Variants in EXTL3 observed in about 807,000 individuals in gnomAD.
EXTL3 encodes exostosin-like 3.
A neutral mutation model predicts 69.3 loss-of-function variants in EXTL3; 27 were observed. The observed-to-expected ratio is 0.39, with a 90% CI of 0.29 to 0.54. The LOEUF (loss-of-function observed/expected upper bound fraction) is 0.54, where lower values mean the gene tolerates loss of function less well. EXTL3 is among the 20% of genes least tolerant of loss of function. The pLI is 0.69. For synonymous variants in EXTL3, 511 were observed against 499.4 expected (o/e 1.02, Z -0.31); for missense variants, 1,003 against 1,231.8 (o/e 0.81, Z 2.78).
intron 1 of EXTL3, among the ~76,000 whole-genome samples, chr8:28,646,413 G>A (rs1806831934): frequency 6.6e-6 from 1 of 152,156 alleles, no homozygotes; most frequent in Non-Finnish European, 1.5e-5. Context: ...TTTTGTTTAT[G>A]GTTGACATAC....
chr8:28,697,826 CAAAA>C (rs1178237904), upstream of EXTL3: 4 of 72,408 alleles, frequency 5.5e-5, no homozygotes, highest in Non-Finnish European at 1.1e-4. Flanking sequence ...ACTCTGTCTC[CAAAA>C]AAAAAGAAAA....
chr8:28,640,578 T>G (rs1332253607), intron 1 of EXTL3, among the ~76,000 whole-genome samples: 1 of 152,164 alleles, frequency 6.6e-6, no homozygotes, highest in Admixed American at 6.6e-5. Context: ...GTATTAACAC[T>G]TTTATTAGCA....
intron 1 of EXTL3, among the ~76,000 whole-genome samples, chr8:28,706,324 A>G (rs1248716241): frequency 2.0e-5 from 3 of 152,252 alleles, no homozygotes; most frequent in African/African-American, 7.2e-5. Flanking sequence ...TTACCTTTCT[A>G]CTAACACAAG....
chr8:28,675,362 G>A (rs955889966), intron 1 of EXTL3, among the ~76,000 whole-genome samples: 1 of 152,180 alleles, frequency 6.6e-6, no homozygotes, highest in African/African-American at 2.4e-5. Context: ...GCACCAAAAT[G>A]TCTACAAATG....
At chr8:28,746,122 T>G (rs1179085278) in intron 6 of EXTL3, among the ~76,000 whole-genome samples, 1 of 152,252 alleles carries the variant, frequency 6.6e-6, no homozygotes, top group Non-Finnish European at 1.5e-5. Context: ...AATTTTTTTG[T>G]TGTGCTTTAA....
At chr8:28,626,659 A>T (rs1308157126) in intron 1 of EXTL3, among the ~76,000 whole-genome samples, 2 of 152,142 alleles carry the variant, frequency 1.3e-5, no homozygotes, top group Non-Finnish European at 2.9e-5. Flanking sequence ...CTGTAAGTTG[A>T]GTATTATTAG....
chr8:28,608,638 G>T (rs1204158619), intron 2 of EXTL3, among the ~76,000 whole-genome samples: 3 of 151,914 alleles, frequency 2.0e-5, no homozygotes, highest in Non-Finnish European at 4.4e-5. Flanking sequence ...CGAAGCGGGG[G>T]GATCACTTGA....
chr8:28,709,780 G>C (rs1800996525), intron 1 of EXTL3, among the ~76,000 whole-genome samples: 1 of 152,152 alleles, frequency 6.6e-6, no homozygotes, highest in South Asian at 2.1e-4. Flanking sequence ...GATAATCGCA[G>C]TTTGCTATTG....
At chr8:28,746,202 G>T (rs1801884978) in intron 6 of EXTL3, among the ~76,000 whole-genome samples, 1 of 152,110 alleles carries the variant, frequency 6.6e-6, no homozygotes. Context: ...TCGTATGATT[G>T]GCAGTGTTCT....
chr8:28,702,313 G>A (rs560599292), intron 1 of EXTL3, among the ~76,000 whole-genome samples: 1 of 152,230 alleles, frequency 6.6e-6, no homozygotes, highest in African/African-American at 2.4e-5. Flanking sequence ...AGCTCCCCTA[G>A]AGCCGGCCTC....
chr8:28,698,428 T>G (rs1197956274), upstream of EXTL3: 1 of 152,244 alleles, frequency 6.6e-6, no homozygotes, highest in Non-Finnish European at 1.5e-5. Flanking sequence ...GGACACCTTA[T>G]TTAGCTTCTT....
intron 1 of EXTL3, among the ~76,000 whole-genome samples, chr8:28,674,824 C>CTGGGT (rs1807353436): frequency 1.3e-5 from 2 of 152,162 alleles, no homozygotes; most frequent in Non-Finnish European, 2.9e-5. Context: ...GCAACAGTGG[C>CTGGGT]ATTCCCAACC....
intron 2 of EXTL3, among the ~76,000 whole-genome samples, chr8:28,608,002 C>T (rs112094106): frequency 0.083 from 12,472 of 151,106 alleles, 660 homozygotes; most frequent in Non-Finnish European, 0.12. Context: ...CCCAGCTACT[C>T]GGGAGGCTGA....
chr8:28,635,998 G>A (rs1389963054), intron 1 of EXTL3, among the ~76,000 whole-genome samples: 1 of 152,062 alleles, frequency 6.6e-6, no homozygotes, highest in Admixed American at 6.6e-5. Flanking sequence ...GGCATTACAG[G>A]CATGAGTCAC....
intron 3 of EXTL3, among the ~76,000 whole-genome samples, chr8:28,722,030 T>G (rs529030871): frequency 8.1e-4 from 123 of 152,282 alleles, no homozygotes; most frequent in African/African-American, 2.9e-3. Context: ...TATGGCTAAT[T>G]GACGCAGGGT....
chr8:28,622,187 T>G (rs1170762672), upstream of EXTL3, among the ~76,000 whole-genome samples: 1 of 152,234 alleles, frequency 6.6e-6, no homozygotes, highest in African/African-American at 2.4e-5. Context: ...TTTTCCCTAG[T>G]TTCGAAAGCT....
rs957096413 is a variant in EXTL3, at chr8:28,751,938, C to T, written c.*1072C>T. The T allele has an allele frequency of 3.9e-5, 6 of 152,384 alleles. No individual in the cohort carries two copies. The highest frequency in any genetic ancestry group is 7.3e-5 in the Non-Finnish European group (5 of 68,190). 9.4% of individuals were successfully genotyped at this position (152,384 alleles called of 1,614,324 possible). ...GCCAGTGTCCTTCGAGGAACCCACC[C>T]GGCTGGCCGGGAAGTTTTACAGCAA... On this transcript the variant is annotated 3_prime_UTR_variant, in exon 7 of 7. Coordinates refer to ENST00000220562, the MANE Select transcript of EXTL3 (RefSeq NM_001440.4).
chr8:28,689,196 T>C (rs1800571922), intron 1 of EXTL3, among the ~76,000 whole-genome samples: 1 of 152,210 alleles, frequency 6.6e-6, no homozygotes, highest in Admixed American at 6.5e-5. Flanking sequence ...CCCAAATCAC[T>C]CACATAAGGC....
chr8:28,685,788 TTGTG>T (rs1021254100), intron 1 of EXTL3: 1 of 151,800 alleles, frequency 6.6e-6, no homozygotes, highest in Non-Finnish European at 1.5e-5. Context: ...CTCTCTTCCT[TTGTG>T]TGTGTGTATA....
Sources: allele counts gnomAD v4.1 joint callset (sites outside exome capture counted in the v4.1 genomes callset), GRCh38; gene constraint gnomAD v4.1.1; transcripts MANE v1.5; gene names NCBI Gene and HGNC (gene_info 2026-07-23, HGNC 2026-07-21).